Variants in APOBEC3H observed in about 807,000 individuals in gnomAD.
APOBEC3H encodes the protein DNA dC->dU-editing enzyme APOBEC-3H.
APOBEC3H carries 8 observed loss-of-function variants against 21.2 expected under a neutral mutation model. That is an observed-to-expected ratio of 0.38 (90% CI 0.22 to 0.68). APOBEC3H has a LOEUF of 0.68. Among genes scored for constraint, APOBEC3H ranks in the 30% least tolerant of loss-of-function variants. The pLI is 0.52. For synonymous variants in APOBEC3H, 88 were observed against 91.0 expected (o/e 0.97, Z 0.19); for missense variants, 229 against 228.1 (o/e 1.00, Z -0.03).
intron 4 of APOBEC3H, among the ~76,000 whole-genome samples, chr22:39,103,290 AAAT>A (rs1158407771): frequency 6.6e-6 from 1 of 152,242 alleles, no homozygotes; most frequent in Non-Finnish European, 1.5e-5. Flanking sequence ...TTGCTTAAAA[AAAT>A]AATAATAACC....
At chr22:39,100,489 G>T (rs930453383) in intron 2 of APOBEC3H, 61 bp downstream of exon 2, 3 of 1,552,254 alleles carry the variant, frequency 1.9e-6, no homozygotes. Flanking sequence ...GATGTGTGCA[G>T]AAAATACATG....
intron 3 of APOBEC3H, 110 bp downstream of exon 3, chr22:39,101,614 GCGGGTTGGAGGAGGTTGGCGGGGGGT>G: frequency 3.4e-6 from 1 of 297,146 alleles, no homozygotes; most frequent in South Asian, 2.3e-5. Context: ...GGGGGCGGGG[GCGGGTTGGAGGAGGTTGGCGGGGGGT>G]GGGGGCGGGT....
chr22:39,100,400 C>T lies in APOBEC3H; in HGVS notation c.122C>T (p.Thr41Met), dbSNP rs202012802. 55 of 1,613,946 alleles carry T rather than the reference C, an allele frequency of 3.4e-5. No homozygotes were observed. In the East Asian group the frequency reaches 4.9e-4, roughly 14 times the overall value. The change falls in exon 2 of 5, where the codon ACG becomes ATG. Residue 41 changes from threonine to methionine, a missense_variant. Physicochemically the swap from Thr to Met is moderately conservative, Grantham distance 81 (BLOSUM62 -1). Coordinates refer to ENST00000442487, the MANE Select transcript of APOBEC3H (RefSeq NM_181773.5). The part of the protein sequence containing the change: ...CYQLTPQNGS[T>M]PTRGYFENKK... ...CAGCTGACGCCGCAGAATGGCTCCA[C>T]GCCCACGAGAGGCTACTTTGAAAAC...
At position 39,103,790 on chromosome 22, in the gene APOBEC3H, G is replaced by T. The variant is rs182967704; in HGVS notation, c.*93G>T. On this transcript the variant is annotated 3_prime_UTR_variant, in exon 5 of 5. Transcript: ENST00000442487. Reference sequence around the variant, plus strand: ...GAAGCAACTCAAGATGACTTTCCCTGGGGCATGTCAGTTGCCTCATAGCCT... The same window carrying T: ...GAAGCAACTCAAGATGACTTTCCCTTGGGCATGTCAGTTGCCTCATAGCCT... The T allele has an allele frequency of 7.5e-5, 113 of 1,513,292 alleles. 1 individual carries two copies. In the East Asian group the frequency reaches 2.2e-3, roughly 30 times the overall value. 93.7% of individuals were successfully genotyped at this position (1,513,292 alleles called of 1,614,324 possible).
rs866882348 is a variant in APOBEC3H at position 39,101,138 on chromosome 22, C to T, written c.151-99C>T. On this transcript the variant is annotated intron_variant, in intron 2 of 4. Coordinates refer to ENST00000442487, the MANE Select transcript of APOBEC3H (RefSeq NM_181773.5). ...AAGTTCACCGGACAGACCCCTCTGC[C>T]CCCCCATCCCCGCCCCCGTCCCGGC... The T allele has an allele frequency of 9.6e-4, 315 of 328,986 alleles. 1 individual carries two copies. In the Middle Eastern group the frequency reaches 0.012, roughly 13 times the overall value. The allele number at this position is 328,986 out of a possible 1,614,324, so 20.4% of individuals were successfully genotyped here.
intron 1 of APOBEC3H, among the ~76,000 whole-genome samples, chr22:39,099,684 G>A (rs1929189207): frequency 6.6e-6 from 1 of 152,212 alleles, no homozygotes; most frequent in Non-Finnish European, 1.5e-5. Context: ...CCCATGCAAA[G>A]AGCCTCAGCT....
Position 39,103,986 on chromosome 22 carries a change from C to T in APOBEC3H, c.*289C>T. ...ATAAAGATAAAGTCTGTAAATCCAG[C>T]CGGGTACGGTGGCTCACGCCTGTAA... On this transcript the variant is annotated 3_prime_UTR_variant, in exon 5 of 5. Transcript: ENST00000442487. The T allele has an allele frequency of 2.0e-6, 1 of 510,586 alleles. No homozygotes were observed. 31.6% of individuals were successfully genotyped at this position (510,586 alleles called of 1,614,324 possible). A position where few individuals can be genotyped will look rare whatever the true frequency, so the allele number is the denominator to read the frequency against.
intron 2 of APOBEC3H, 151 bp from the exon 3 acceptor site, chr22:39,101,086 C>A: frequency 1.4e-6 from 1 of 725,340 alleles, no homozygotes; most frequent in Non-Finnish European, 2.2e-6. Context: ...GGTGCTTGCC[C>A]TGCACTAGGC....
intron 4 of APOBEC3H, 90 bp downstream of exon 4, chr22:39,102,132 C>G (rs999590113): frequency 3.3e-6 from 5 of 1,504,304 alleles, no homozygotes; most frequent in Non-Finnish European, 4.4e-6. Context: ...TGCCCTTACC[C>G]CTACCTTTTT....
chr22:39,101,069 G>A (rs1048712609), intron 2 of APOBEC3H, among the ~76,000 whole-genome samples, 168 bp from the exon 3 acceptor site: 1 of 152,054 alleles, frequency 6.6e-6, no homozygotes, highest in African/African-American at 2.4e-5. Context: ...AGGGAAGGCA[G>A]GAAGCGGGTG....
At chr22:39,101,897 G>T (rs200834303) in intron 3 of APOBEC3H, 21 bp from the exon 4 acceptor site, 25 of 1,613,822 alleles carry the variant, frequency 1.5e-5, no homozygotes, top group Admixed American at 8.3e-5. Flanking sequence ...GGGCCTGGCT[G>T]GTTTCCCTCT....
chr22:39,103,262 GGGCA>G (rs1569095941), intron 4 of APOBEC3H, among the ~76,000 whole-genome samples: 2 of 152,156 alleles, frequency 1.3e-5, no homozygotes, highest in Non-Finnish European at 2.9e-5. Context: ...ACTCCAGCCT[GGGCA>G]ACAGAGTGAG....
Position 39,103,879 on chromosome 22 carries a change from C to A in APOBEC3H, c.*182C>A, listed in dbSNP as rs1203108458. 1.4e-6 allele frequency: 1 copy of A among 730,512 alleles called. No individual in the cohort carries two copies. Among genetic ancestry groups the A allele is most frequent in the Non-Finnish European group, 2.4e-6 (1 of 409,304 alleles). The allele number at this position is 730,512 out of a possible 1,614,324, so 45.3% of individuals were successfully genotyped here. A position where few individuals can be genotyped will look rare whatever the true frequency, so the allele number is the denominator to read the frequency against. ...GTTCCTTGCCCCAACCTGGCCCCAT[C>A]CAAGTACAGAAGACCTTCCTTTCCT... On this transcript the variant is annotated 3_prime_UTR_variant, in exon 5 of 5. Coordinates refer to ENST00000442487, the MANE Select transcript of APOBEC3H (RefSeq NM_181773.5).
intron 1 of APOBEC3H, among the ~76,000 whole-genome samples, chr22:39,099,795 T>C (rs139286): frequency 0.41 from 63,005 of 151,822 alleles, 13,619 homozygotes; most frequent in African/African-American, 0.54. Context: ...AGCCCTTCCT[T>C]CCCCTGCTCC....
At chr22:39,100,777 C>T (rs1024104831) in intron 2 of APOBEC3H, among the ~76,000 whole-genome samples, 5 of 152,190 alleles carry the variant, frequency 3.3e-5, no homozygotes, top group Admixed American at 6.5e-5. Context: ...CTCCATCACA[C>T]CCCTGTCCTC....
At position 39,100,428 on chromosome 22, in the gene APOBEC3H, G is replaced by A; in HGVS notation, c.150G>A (p.Lys50=). 6.2e-7 allele frequency: 1 copy of A among 1,612,880 alleles called. No individual in the cohort carries two copies. The highest frequency in any genetic ancestry group is 8.5e-7 in the Non-Finnish European group (1 of 1,179,356). ...STPTRGYFEN[K]KKCHAEICFI... The stretch of plus-strand genomic sequence containing the variant: ...CCACGAGAGGCTACTTTGAAAACAA[G>A]GTGCCACACGGGCTCTCTGGGCACA... The change falls in exon 2 of 5, where the codon AAG becomes AAA. Residue 50 remains lysine, a splice_region_variant and synonymous_variant. Transcript: ENST00000442487.
chr22:39,101,134 C>T (rs1275278133), intron 2 of APOBEC3H, 103 bp from the exon 3 acceptor site: 2 of 442,144 alleles, frequency 4.5e-6, no homozygotes, highest in Non-Finnish European at 8.4e-6. Flanking sequence ...ACAGACCCCT[C>T]TGCCCCCCCA....
chr22:39,100,305 C>A lies in APOBEC3H; in HGVS notation c.27C>A (p.Phe9Leu). ...TGGCTCTGTTAACAGCCGAAACATT[C>A]CGCTTACAGTTTAACAACAAGCGCC... is the stretch of plus-strand genomic sequence containing the variant. MALLTAETFRLQFNNKRRL... is the reference protein window; with the variant it reads MALLTAETLRLQFNNKRRL... The change falls in exon 2 of 5, where the codon TTC becomes TTA. Residue 9 changes from phenylalanine (F) to leucine (L), a missense_variant. Transcript: ENST00000442487. 2 of 1,605,940 alleles carry A rather than the reference C, an allele frequency of 1.2e-6. No individual in the cohort carries two copies. The highest frequency in any genetic ancestry group is 1.7e-6 in the Non-Finnish European group (2 of 1,176,944).
intron 2 of APOBEC3H, 154 bp downstream of exon 2, chr22:39,100,582 C>G: frequency 9.2e-7 from 1 of 1,084,880 alleles, no homozygotes; most frequent in Non-Finnish European, 1.3e-6. Context: ...TGGGTTTTGG[C>G]TTAGCTGGAT....
Sources: gnomAD v4.1 joint callset for allele counts (sites outside exome capture counted in the v4.1 genomes callset) on GRCh38, gnomAD v4.1.1 for gene constraint, MANE v1.5 for transcripts, NCBI Gene and HGNC (gene_info 2026-07-23, HGNC 2026-07-21) for gene names.